The following NELL1 variants were observed in gnomAD, a reference collection of about 807,000 sequenced individuals.
NELL1 encodes the protein protein kinase C-binding protein NELL1.
In NELL1, 76 loss-of-function variants were observed where a neutral mutation model predicts 107.4. The ratio of observed to expected loss-of-function variants is 0.71; its 90% confidence interval spans 0.59 to 0.86. NELL1 has a LOEUF of 0.86. Ranked by LOEUF, NELL1 falls within the 40% of genes least tolerant of loss-of-function variation. The pLI, the probability that NELL1 is intolerant of heterozygous loss-of-function variation, is 0.00. For missense variants in NELL1, 1,024 were observed against 1,005.5 expected, an observed-to-expected ratio of 1.02 and a Z score of -0.25; for synonymous variants, 353 against 341.2, an observed-to-expected ratio of 1.03 and a Z score of -0.38.
At chr11:20,701,295 C>CA in intron 2 of NELL1, among the ~76,000 whole-genome samples, 1 of 152,098 alleles carries the variant, frequency 6.6e-6, no homozygotes, top group South Asian at 2.1e-4. Flanking sequence ...CTTTTGGCTG[C>CA]ATAAATGTCT....
chr11:20,740,835 A>G (rs1855873013), intron 2 of NELL1, among the ~76,000 whole-genome samples: 1 of 151,958 alleles, frequency 6.6e-6, no homozygotes, highest in African/African-American at 2.4e-5. Flanking sequence ...TATGTTGCCT[A>G]GGCTGGATTC....
At chr11:21,146,804 A>T (rs1297202502) in intron 13 of NELL1, among the ~76,000 whole-genome samples, 1 of 118,084 alleles carries the variant, frequency 8.5e-6, no homozygotes, top group Non-Finnish European at 2.0e-5. Context: ...GCACTTTTGC[A>T]GGCCAAGGTG....
chr11:20,948,247 C>T (rs939566776), intron 11 of NELL1, among the ~76,000 whole-genome samples: 4 of 151,798 alleles, frequency 2.6e-5, no homozygotes, highest in Non-Finnish European at 5.9e-5. Context: ...GAGACTGGGT[C>T]TTGCTATGTT....
chr11:21,301,953 A>G (rs1430306656), intron 14 of NELL1, among the ~76,000 whole-genome samples: 1 of 152,028 alleles, frequency 6.6e-6, no homozygotes, highest in Non-Finnish European at 1.5e-5. Context: ...AGGTACTAAT[A>G]TGTTCTGCAA....
chr11:21,229,589 G>A, intron 14 of NELL1, 135 bp downstream of exon 14: 2 of 1,226,492 alleles, frequency 1.6e-6, no homozygotes, highest in Non-Finnish European at 1.1e-6. Context: ...CAACTGGCAA[G>A]GGTACTGTGC....
intron 4 of NELL1, among the ~76,000 whole-genome samples, chr11:20,871,512 C>T (rs1444220259): frequency 6.6e-6 from 1 of 152,144 alleles, no homozygotes; most frequent in African/African-American, 2.4e-5. Context: ...GTCTATTCAT[C>T]CATCATCCAA....
chr11:20,943,055 GTTT>G (rs5790149), intron 10 of NELL1, among the ~76,000 whole-genome samples: 9 of 142,524 alleles, frequency 6.3e-5, no homozygotes, highest in Middle Eastern at 3.9e-3. Context: ...ATCTTTTACT[GTTT>G]TTTTTTTTTT....
At chr11:21,008,853 A>C (rs1450805710) in intron 12 of NELL1, among the ~76,000 whole-genome samples, 1 of 152,134 alleles carries the variant, frequency 6.6e-6, no homozygotes, top group Non-Finnish European at 1.5e-5. Context: ...GTAATTTAAC[A>C]GGTAAGGGAA....
intron 15 of NELL1, among the ~76,000 whole-genome samples, chr11:21,374,496 T>TCCC (rs1851423833): frequency 6.6e-6 from 1 of 152,058 alleles, no homozygotes; most frequent in African/African-American, 2.4e-5. Flanking sequence ...GAGGAAGCTG[T>TCCC]AATGCTTTTT....
intron 12 of NELL1, among the ~76,000 whole-genome samples, chr11:21,101,525 G>A (rs549185916): frequency 4.6e-5 from 7 of 152,062 alleles, no homozygotes; most frequent in Non-Finnish European, 8.8e-5. Flanking sequence ...TTTAATGATC[G>A]CCATTCTAAC....
intron 12 of NELL1, among the ~76,000 whole-genome samples, chr11:21,078,052 G>A (rs974867857): frequency 5.3e-5 from 8 of 151,966 alleles, no homozygotes; most frequent in African/African-American, 1.2e-4. Flanking sequence ...ACCTAATTAC[G>A]TCCTTATGAT....
intron 12 of NELL1, among the ~76,000 whole-genome samples, chr11:21,107,326 T>TA (rs5790162): frequency 0.17 from 26,505 of 151,510 alleles, 2,843 homozygotes; most frequent in Middle Eastern, 0.31. Flanking sequence ...TAGGCCCAAT[T>TA]AAAAAAAAAT....
chr11:21,146,311 T>G (rs1186620981), intron 13 of NELL1, among the ~76,000 whole-genome samples: 1 of 151,500 alleles, frequency 6.6e-6, no homozygotes, highest in African/African-American at 2.4e-5. Flanking sequence ...ATAAGTGGGA[T>G]TAAGGATATA....
intron 15 of NELL1, among the ~76,000 whole-genome samples, chr11:21,529,051 C>G (rs941194149): frequency 1.3e-5 from 2 of 152,020 alleles, no homozygotes; most frequent in African/African-American, 4.8e-5. Flanking sequence ...AAAAGCAACT[C>G]CAAGCAGTAA....
At chr11:20,925,287 T>A (rs139562295) in intron 7 of NELL1, among the ~76,000 whole-genome samples, 5 of 152,186 alleles carry the variant, frequency 3.3e-5, no homozygotes, top group African/African-American at 7.2e-5. Flanking sequence ...TGTATTAATT[T>A]ATTTATTTAT....
chr11:21,055,596 T>C (rs1471475698), intron 12 of NELL1, among the ~76,000 whole-genome samples: 1 of 152,160 alleles, frequency 6.6e-6, no homozygotes, highest in African/African-American at 2.4e-5. Flanking sequence ...TTCTGTTATC[T>C]GTTCTAATTG....
intron 14 of NELL1, among the ~76,000 whole-genome samples, chr11:21,249,117 C>T (rs1021939936): frequency 6.6e-6 from 1 of 152,164 alleles, no homozygotes; most frequent in African/African-American, 2.4e-5. Context: ...TAACAAAGCA[C>T]TAACTGCTTG....
intron 2 of NELL1, among the ~76,000 whole-genome samples, chr11:20,724,920 T>A (rs1793015): frequency 0.96 from 145,455 of 152,180 alleles, 69,862 homozygotes; most frequent in Middle Eastern, 1. Flanking sequence ...ACTGGGGAAG[T>A]TTCAGGAAAC....
chr11:20,773,739 C>T (rs926430199), intron 2 of NELL1: 5 of 152,070 alleles, frequency 3.3e-5, no homozygotes, highest in African/African-American at 4.8e-5. Context: ...CTTAAGTGAT[C>T]TGCCTGCCTC....
Sources: gnomAD v4.1 joint callset for allele counts (sites outside exome capture counted in the v4.1 genomes callset) on GRCh38, gnomAD v4.1.1 for gene constraint, MANE v1.5 for transcripts, NCBI Gene and HGNC (gene_info 2026-07-23, HGNC 2026-07-21) for gene names.